The following NTRK2 variants were observed in gnomAD, a reference collection of about 807,000 sequenced individuals.
NTRK2 encodes the protein BDNF/NT-3 growth factors receptor.
Under a neutral mutation model 94.5 loss-of-function variants are expected in NTRK2, and 13 were observed. That is an observed-to-expected ratio of 0.14 (90% CI 0.09 to 0.22). The LOEUF (loss-of-function observed/expected upper bound fraction) is 0.22. Among genes scored for constraint, NTRK2 ranks in the 10% least tolerant of loss-of-function variants. The pLI is 1.00. For missense variants in NTRK2, 639 were observed against 1,071.2 expected, an observed-to-expected ratio of 0.60 and a Z score of 5.63; for synonymous variants, 372 against 407.4, an observed-to-expected ratio of 0.91 and a Z score of 1.05.
At position 84,702,302 on chromosome 9, in the gene NTRK2, AT is replaced by A. The variant is rs758663479; in HGVS notation, c.288-44del. Reference sequence around the variant, plus strand: ...TGTTGTCTGCTCTGGTCAGGCAGGCATTCACTGGTTCGTTCTAATGTGCATG... The same window carrying A: ...TGTTGTCTGCTCTGGTCAGGCAGGCATCACTGGTTCGTTCTAATGTGCATG... On this transcript the variant is annotated intron_variant, in intron 3 of 18. Coordinates refer to ENST00000277120, the MANE Select transcript of NTRK2 (RefSeq NM_006180.6). 3.1e-6 allele frequency: 5 copies of A among 1,609,514 alleles called. No individual in the cohort carries two copies. The Admixed American group carries it at 8.3e-5, about 27-fold the overall frequency.
rs118064170 is a variant in NTRK2, at chr9:84,999,140, A to C, written c.2173-21066A>C. On this transcript the variant is annotated intron_variant, in intron 17 of 18. Transcript: ENST00000277120. ...GCATAGGAGGATGAGGTTAAACACC[A>C]AGCCCGCTCATTAAGTCCATTTGAG... is the stretch of plus-strand genomic sequence containing the variant. Among the ~76,000 whole-genome samples, 876 of 152,320 alleles carry C rather than the reference A, an allele frequency of 5.8e-3. 26 individuals are homozygous for C. Among genetic ancestry groups the C allele is most frequent in the East Asian group, 0.04 (206 of 5,174 alleles).
intron 12 of NTRK2, among the ~76,000 whole-genome samples, chr9:84,779,413 T>C (rs1224785602): frequency 6.6e-6 from 1 of 152,242 alleles, no homozygotes; most frequent in East Asian, 1.9e-4. Flanking sequence ...AAAGAACTCA[T>C]ATGCCATGTT....
intron 17 of NTRK2, among the ~76,000 whole-genome samples, chr9:84,989,394 C>T (rs775108516): frequency 1.3e-5 from 2 of 151,792 alleles, no homozygotes; most frequent in Non-Finnish European, 2.9e-5. Flanking sequence ...TATTTTGTTC[C>T]AGGTATTATA....
At chr9:84,686,383 G>T (rs962291098) in intron 2 of NTRK2, among the ~76,000 whole-genome samples, 3 of 152,206 alleles carry the variant, frequency 2.0e-5, no homozygotes, top group African/African-American at 7.2e-5. Context: ...CAGGGGAAAA[G>T]AATCACTCCA....
chr9:84,855,926 AC>A (rs2075042294), intron 12 of NTRK2, among the ~76,000 whole-genome samples: 1 of 152,146 alleles, frequency 6.6e-6, no homozygotes. Context: ...TGGAAGTGGG[AC>A]CCATTGCTCT....
chr9:84,820,445 C>T (rs984129125), intron 12 of NTRK2, among the ~76,000 whole-genome samples: 22 of 152,186 alleles, frequency 1.4e-4, no homozygotes, highest in African/African-American at 5.3e-4. Context: ...GTTGGAATTA[C>T]AGGTGTGAGC....
chr9:84,783,114 C>G (rs952475399), intron 12 of NTRK2, among the ~76,000 whole-genome samples: 7 of 152,110 alleles, frequency 4.6e-5, no homozygotes, highest in South Asian at 2.1e-4. Flanking sequence ...CATGAGAGAC[C>G]CCTAAAATAT....
At chr9:84,942,871 C>T (rs1220944494) in intron 15 of NTRK2, among the ~76,000 whole-genome samples, 2 of 152,056 alleles carry the variant, frequency 1.3e-5, no homozygotes, top group African/African-American at 2.4e-5. Context: ...GGACAGTGCA[C>T]ATCCAGAAGC....
chr9:84,800,669 G>A (rs1163701168), intron 12 of NTRK2, among the ~76,000 whole-genome samples: 1 of 152,170 alleles, frequency 6.6e-6, no homozygotes, highest in East Asian at 1.9e-4. Context: ...TCTACCATGG[G>A]TGTGAAATCA....
intron 8 of NTRK2, among the ~76,000 whole-genome samples, chr9:84,725,861 G>A (rs2062414406): frequency 6.6e-6 from 1 of 152,120 alleles, no homozygotes; most frequent in Non-Finnish European, 1.5e-5. Context: ...TTCTCAGAGT[G>A]AGGGACATAG....
At chr9:84,695,841 T>C (rs964464887) in intron 2 of NTRK2, among the ~76,000 whole-genome samples, 1 of 152,210 alleles carries the variant, frequency 6.6e-6, no homozygotes, top group African/African-American at 2.4e-5. Flanking sequence ...TAAAACCTTT[T>C]CTTTTTGGCT....
chr9:84,895,774 G>C (rs1034276053), intron 14 of NTRK2, among the ~76,000 whole-genome samples: 1 of 152,166 alleles, frequency 6.6e-6, no homozygotes, highest in African/African-American at 2.4e-5. Flanking sequence ...CCTCACTTCT[G>C]CAGTGGAAGT....
intron 8 of NTRK2, among the ~76,000 whole-genome samples, chr9:84,726,016 G>A (rs1421206532): frequency 6.6e-6 from 1 of 152,074 alleles, no homozygotes. Flanking sequence ...ACTGTGGGAG[G>A]ATTTACCTGA....
At chr9:84,675,323 CCTTTTTTT>C (rs1451616012) in intron 2 of NTRK2, among the ~76,000 whole-genome samples, 147 of 69,562 alleles carry the variant, frequency 2.1e-3, no homozygotes, top group African/African-American at 6.1e-3. Context: ...TTCTTTCTTT[CCTTTTTTT>C]TTTTTTTTTT....
chr9:84,928,626 CTGTG>C (rs2077906500), intron 14 of NTRK2, among the ~76,000 whole-genome samples: 1 of 152,144 alleles, frequency 6.6e-6, no homozygotes, highest in South Asian at 2.1e-4. Flanking sequence ...CACCTTCTAG[CTGTG>C]TGGCCCCGGG....
chr9:84,971,913 T>C (rs1045728987), intron 17 of NTRK2, among the ~76,000 whole-genome samples: 3 of 152,198 alleles, frequency 2.0e-5, no homozygotes, highest in African/African-American at 7.2e-5. Context: ...GTGAGATAGA[T>C]TTCTGGCCAG....
chr9:84,779,058 G>T (rs1805300331), intron 12 of NTRK2, among the ~76,000 whole-genome samples: 1 of 152,116 alleles, frequency 6.6e-6, no homozygotes, highest in African/African-American at 2.4e-5. Context: ...TCTCCCTTGG[G>T]TAATATTGAT....
At position 84,774,260 on chromosome 9, in the gene NTRK2, G is replaced by A. The variant is rs145625759; in HGVS notation, c.1396+22175G>A. ...AAACATGGACAAAGTCAGAAACGAG[G>A]GCCAATGGCCTTGTCTCCAAGAGTG... On this transcript the variant is annotated intron_variant, in intron 12 of 18. Coordinates refer to ENST00000277120, the MANE Select transcript of NTRK2 (RefSeq NM_006180.6). Among the ~76,000 whole-genome samples the A allele has an allele frequency of 3.9e-3, 599 of 152,256 alleles. 3 individuals carry two copies. Among genetic ancestry groups the A allele is most frequent in the Middle Eastern group, 0.01 (3 of 294 alleles).
intron 11 of NTRK2, among the ~76,000 whole-genome samples, chr9:84,749,819 A>T (rs2064421026): frequency 6.6e-6 from 1 of 152,210 alleles, no homozygotes; most frequent in Non-Finnish European, 1.5e-5. Context: ...GGAAAAACCC[A>T]TGGTCTTAAT....
Sources: allele counts gnomAD v4.1 joint callset (sites outside exome capture counted in the v4.1 genomes callset), GRCh38; gene constraint gnomAD v4.1.1; transcripts MANE v1.5; gene names NCBI Gene and HGNC (gene_info 2026-07-23, HGNC 2026-07-21).